TEC: variants seen among roughly 807,000 people sequenced by gnomAD.
TEC encodes tec protein tyrosine kinase.
A neutral mutation model predicts 93.0 loss-of-function variants in TEC; 72 were observed. That is an observed-to-expected ratio of 0.77 (90% confidence interval 0.64 to 0.94). TEC has a LOEUF of 0.94. Ranked by LOEUF, TEC falls within the 40% of genes least tolerant of loss-of-function variation. TEC has a pLI of 0.00. For missense variants in TEC, 630 were observed against 757.9 expected (o/e 0.83, Z 1.98); for synonymous variants, 249 against 247.7 (o/e 1.01, Z -0.05).
intron 1 of TEC, among the ~76,000 whole-genome samples, chr4:48,236,503 C>T (rs758159258): frequency 6.6e-6 from 1 of 152,114 alleles, no homozygotes; most frequent in Non-Finnish European, 1.5e-5. Context: ...AGGATGGTCT[C>T]GATCTCCTGA....
At chr4:48,161,754 C>T (rs1720672121) in intron 8 of TEC, among the ~76,000 whole-genome samples, 1 of 152,042 alleles carries the variant, frequency 6.6e-6, no homozygotes, top group South Asian at 2.1e-4. Context: ...GGTCAGTGGA[C>T]TGGGAAAGGC....
chr4:48,176,649 G>A (rs899858756), intron 2 of TEC, among the ~76,000 whole-genome samples: 2 of 152,210 alleles, frequency 1.3e-5, no homozygotes, highest in African/African-American at 4.8e-5. Context: ...TTGAACACAG[G>A]AGGCAGAGGT....
intron 2 of TEC, among the ~76,000 whole-genome samples, chr4:48,225,328 C>T (rs112368449): frequency 0.011 from 1,723 of 152,238 alleles, 37 homozygotes; most frequent in African/African-American, 0.04. Context: ...GCACCTGCCA[C>T]CACACCCAGC....
intron 2 of TEC, among the ~76,000 whole-genome samples, chr4:48,199,616 A>C (rs188834755): frequency 4.0e-5 from 6 of 151,288 alleles, no homozygotes; most frequent in Admixed American, 1.3e-4. Context: ...ACAGGCACGC[A>C]CCACCACACC....
Position 48,137,375 on chromosome 4 carries a change from C to G in TEC, c.*41G>C. ...TAAAAGCCACAAAATGCCCATCCTT[C>G]CTTGTGCTTGGGAATCTGGGAGCCA... On this transcript the variant is annotated 3_prime_UTR_variant, in exon 18 of 18. Coordinates refer to ENST00000381501, the MANE Select transcript of TEC (RefSeq NM_003215.3). The G allele has an allele frequency of 1.3e-6, 2 of 1,541,014 alleles. No homozygotes were observed. The highest frequency in any genetic ancestry group is 1.8e-6 in the Non-Finnish European group (2 of 1,117,356).
At chr4:48,144,270 G>A (rs1328124048) in intron 14 of TEC, among the ~76,000 whole-genome samples, 2 of 152,164 alleles carry the variant, frequency 1.3e-5, no homozygotes, top group Non-Finnish European at 2.9e-5. Flanking sequence ...ATGTGTCCAT[G>A]CTTTATCACT....
intron 2 of TEC, among the ~76,000 whole-genome samples, chr4:48,210,275 A>T (rs1722856042): frequency 6.6e-6 from 1 of 151,962 alleles, no homozygotes; most frequent in Non-Finnish European, 1.5e-5. Context: ...TTGAGGCCAG[A>T]AGTTTAAGAC....
At chr4:48,205,251 C>T (rs1722664957) in intron 2 of TEC, among the ~76,000 whole-genome samples, 1 of 152,178 alleles carries the variant, frequency 6.6e-6, no homozygotes, top group Non-Finnish European at 1.5e-5. Context: ...TGCATAATAG[C>T]AGGCAGCCTC....
chr4:48,185,875 C>T (rs1315379160), intron 2 of TEC, among the ~76,000 whole-genome samples: 1 of 131,682 alleles, frequency 7.6e-6, no homozygotes, highest in African/African-American at 2.9e-5. Context: ...TCCCTCTCAC[C>T]GGTCTCCCTC....
At chr4:48,186,560 G>C (rs1470459861) in intron 2 of TEC, among the ~76,000 whole-genome samples, 1 of 149,252 alleles carries the variant, frequency 6.7e-6, no homozygotes, top group Non-Finnish European at 1.5e-5. Flanking sequence ...CTGTCTGGGA[G>C]GTGAGGAGCG....
At chr4:48,211,716 T>A (rs2457417) in intron 2 of TEC, among the ~76,000 whole-genome samples, 24,183 of 152,108 alleles carry the variant, frequency 0.16, 2,902 homozygotes, top group African/African-American at 0.32. Context: ...TCACTTAAAG[T>A]ATATATGAAA....
intron 1 of TEC, among the ~76,000 whole-genome samples, chr4:48,253,865 C>T (rs1399086833): frequency 1.3e-5 from 2 of 152,066 alleles, no homozygotes; most frequent in African/African-American, 4.8e-5. Flanking sequence ...CGTGAGCCAC[C>T]GAGCCTGGCC....
intron 2 of TEC, among the ~76,000 whole-genome samples, chr4:48,199,226 T>C (rs1274112319): frequency 6.6e-6 from 1 of 152,198 alleles, no homozygotes; most frequent in Non-Finnish European, 1.5e-5. Context: ...CAGCATTAAA[T>C]GAACCAGATC....
chr4:48,176,246 A>T, intron 2 of TEC, 60 bp from the exon 3 acceptor site: 3 of 1,320,328 alleles, frequency 2.3e-6, no homozygotes, highest in Non-Finnish European at 3.2e-6. Context: ...ATTAACAGTA[A>T]TATTGTTAAG....
At chr4:48,154,169 A>G (rs1246476072) in intron 9 of TEC, among the ~76,000 whole-genome samples, 1 of 152,220 alleles carries the variant, frequency 6.6e-6, no homozygotes, top group Non-Finnish European at 1.5e-5. Context: ...CTATATGTCT[A>G]TATGTGTTAT....
chr4:48,195,588 A>G (rs1722274529), intron 2 of TEC, among the ~76,000 whole-genome samples: 1 of 152,188 alleles, frequency 6.6e-6, no homozygotes. Flanking sequence ...CTCCATAATT[A>G]ATTACAGAAC....
intron 1 of TEC, among the ~76,000 whole-genome samples, chr4:48,254,457 G>A (rs1724288404): frequency 6.6e-6 from 1 of 152,172 alleles, no homozygotes; most frequent in Admixed American, 6.5e-5. Flanking sequence ...GATTCACAGT[G>A]GAACAATGCT....
chr4:48,156,284 G>T (rs1427031675), intron 9 of TEC, among the ~76,000 whole-genome samples: 3 of 152,162 alleles, frequency 2.0e-5, no homozygotes, highest in Non-Finnish European at 4.4e-5. Context: ...CTGCAGCAAG[G>T]TGTTTAAACA....
intron 1 of TEC, among the ~76,000 whole-genome samples, chr4:48,239,288 G>A (rs2109654206): frequency 6.6e-6 from 1 of 151,980 alleles, no homozygotes; most frequent in South Asian, 2.1e-4. Context: ...CTAAATATGA[G>A]GTAAACATAT....
Sources: allele counts gnomAD v4.1 joint callset (sites outside exome capture counted in the v4.1 genomes callset), GRCh38; gene constraint gnomAD v4.1.1; transcripts MANE v1.5; gene names NCBI Gene and HGNC (gene_info 2026-07-23, HGNC 2026-07-21).